CBLN2: variants seen among roughly 807,000 people sequenced by gnomAD.
The protein encoded by CBLN2 is cerebellin 2 precursor, also known as cerebellin-2.
Under a neutral mutation model 15.0 loss-of-function variants are expected in CBLN2, and 7 were observed. That is an observed-to-expected ratio of 0.47 (90% CI 0.27 to 0.88). The LOEUF is 0.88. Ranked by LOEUF, CBLN2 falls within the 40% of genes least tolerant of loss-of-function variation. The probability of loss-of-function intolerance (pLI) is 0.14; values close to 1 mark genes in which losing one functional copy is unlikely to be tolerated. For synonymous variants in CBLN2, 149 were observed against 135.2 expected (o/e 1.10, Z -0.71); for missense variants, 242 against 304.5 (o/e 0.79, Z 1.53).
chr18:72,594,912 C>T (rs1026466465), intron 1 of CBLN2, among the ~76,000 whole-genome samples: 2 of 151,224 alleles, frequency 1.3e-5, no homozygotes, highest in Non-Finnish European at 3.0e-5. Context: ...TTTGGGACTT[C>T]TTTCTTCACT....
intron 1 of CBLN2, among the ~76,000 whole-genome samples, chr18:72,615,185 T>C (rs1303674553): frequency 1.5e-5 from 2 of 133,374 alleles, no homozygotes; most frequent in East Asian, 4.0e-4. Flanking sequence ...ATTTATATAT[T>C]ATATATAAAT....
chr18:72,594,561 G>T (rs986194110), intron 1 of CBLN2, among the ~76,000 whole-genome samples: 3 of 151,098 alleles, frequency 2.0e-5, no homozygotes, highest in African/African-American at 7.3e-5. Flanking sequence ...GAGTAGGATT[G>T]GTATTATTTA....
chr18:72,567,914 A>C (rs1169786027), intron 1 of CBLN2, among the ~76,000 whole-genome samples: 1 of 152,218 alleles, frequency 6.6e-6, no homozygotes, highest in Non-Finnish European at 1.5e-5. Flanking sequence ...ATCACACAAG[A>C]AGCAATAATT....
At position 72,584,293 on chromosome 18, in the gene CBLN2, GA is replaced by G. The variant is rs1040235087; in HGVS notation, c.16-45522del. On this transcript the variant is annotated intron_variant, in intron 1 of 2. Coordinates refer to the CBLN2 transcript ENST00000581073. The stretch of plus-strand genomic sequence containing the variant: ...CACACCACCCTCTTGGCTCTCTTCA[GA>G]AAAAAAAATTACCAATCCTTTTTTT... Among the ~76,000 whole-genome samples, 4 of 146,970 alleles carry G rather than the reference GA, an allele frequency of 2.7e-5. No homozygotes were observed. The South Asian group carries it at 6.4e-4, about 23-fold the overall frequency.
chr18:72,577,183 A>G (rs117305550), intron 1 of CBLN2, among the ~76,000 whole-genome samples: 7,440 of 151,156 alleles, frequency 0.049, 238 homozygotes, highest in South Asian at 0.087. Flanking sequence ...AAACATAAAT[A>G]TATATGAATA....
In CBLN2 at chr18:72,543,119, TTC is replaced by T. The variant is rs1417094948; in HGVS notation, c.-167+365_-167+366del. ...AGCTCTGGTTTCCAGACCACGGGGA[TTC>T]TCTCTTTCTCAGCGGGGCGGCAGCC... On this transcript the variant is annotated intron_variant, in intron 2 of 4. Coordinates refer to ENST00000269503, the MANE Select transcript of CBLN2 (RefSeq NM_182511.4). The surrounding 1 kb of genome is among the most constrained non-coding windows in gnomAD (Gnocchi z 6.8). 2.1e-5 allele frequency: 4 copies of T among 190,116 alleles called. No homozygotes were observed. Among genetic ancestry groups the T allele is most frequent in the Non-Finnish European group, 4.3e-5 (4 of 92,942 alleles). The allele number at this position is 190,116 out of a possible 1,614,324, so 11.8% of individuals were successfully genotyped here.
intron 1 of CBLN2, among the ~76,000 whole-genome samples, chr18:72,620,058 C>T (rs2069689865): frequency 6.6e-6 from 1 of 152,234 alleles, no homozygotes; most frequent in African/African-American, 2.4e-5. Flanking sequence ...CAGGAACAAA[C>T]TCCATGCAGG....
chr18:72,608,149 C>G (rs1302683351), intron 1 of CBLN2, among the ~76,000 whole-genome samples: 1 of 152,156 alleles, frequency 6.6e-6, no homozygotes, highest in Non-Finnish European at 1.5e-5. Context: ...CACTACTTTT[C>G]ATACGACAGC....
At position 72,601,742 on chromosome 18, in the gene CBLN2, C is replaced by A. The variant is rs562764229; in HGVS notation, c.15+36583G>T. On this transcript the variant is annotated intron_variant, in intron 1 of 2. Transcript: ENST00000581073. Reference sequence around the variant, plus strand: ...ACCCCATTTTGCAACAATCCCAGGCCTCTCCTGCCTGGGCCTATAACTGCC... The same window carrying A: ...ACCCCATTTTGCAACAATCCCAGGCATCTCCTGCCTGGGCCTATAACTGCC... Among the ~76,000 whole-genome samples the A allele has an allele frequency of 2.1e-4, 32 of 152,254 alleles. No individual in the cohort carries two copies. The South Asian group carries it at 6.4e-3, about 31-fold the overall frequency.
chr18:72,631,800 T>C (rs1395669713), intron 1 of CBLN2, among the ~76,000 whole-genome samples: 1 of 152,094 alleles, frequency 6.6e-6, no homozygotes, highest in Non-Finnish European at 1.5e-5. Flanking sequence ...GAAATACAGT[T>C]CAAACACTCA....
intron 1 of CBLN2, among the ~76,000 whole-genome samples, chr18:72,587,160 T>C (rs1301536521): frequency 6.6e-6 from 1 of 152,072 alleles, no homozygotes; most frequent in African/African-American, 2.4e-5. Context: ...TTAAGGGTTA[T>C]AGAGGAGTTT....
intron 1 of CBLN2, among the ~76,000 whole-genome samples, chr18:72,571,847 C>T (rs542141343): frequency 4.4e-4 from 67 of 152,130 alleles, no homozygotes; most frequent in Non-Finnish European, 5.0e-4. Flanking sequence ...TCTCGAGAGA[C>T]GATTTTTTTT....
intron 3 of CBLN2, 122 bp from the exon 4 acceptor site, chr18:72,538,894 A>G: frequency 1.5e-6 from 2 of 1,295,428 alleles, no homozygotes. Flanking sequence ...CAAATTCAGC[A>G]TCCTCAGCAT....
intron 1 of CBLN2, among the ~76,000 whole-genome samples, chr18:72,560,798 G>A (rs2069255238): frequency 6.6e-6 from 1 of 152,106 alleles, no homozygotes; most frequent in African/African-American, 2.4e-5. Flanking sequence ...CACGAGGTCA[G>A]GAGATCGAGA....
chr18:72,561,185 G>A (rs1454135557), intron 1 of CBLN2, among the ~76,000 whole-genome samples: 150 of 132,716 alleles, frequency 1.1e-3, no homozygotes, highest in African/African-American at 3.8e-3. Context: ...TTTTCATTAA[G>A]TTAAAAAAAC....
At position 72,625,698 on chromosome 18, in the gene CBLN2, CTATATATA is replaced by C. The variant is rs1169851043; in HGVS notation, c.15+12619_15+12626del. On this transcript the variant is annotated intron_variant, in intron 1 of 2. Coordinates refer to the CBLN2 transcript ENST00000581073. ...TATAGTATTATTATATATAGTATTACTATATATATATATATATATATATATATACACAC... is the reference window on the plus strand; with the variant it reads ...TATAGTATTATTATATATAGTATTACTATATATATATATATATATACACAC... Among the ~76,000 whole-genome samples, 28 of 46,596 alleles carry C rather than the reference CTATATATA, an allele frequency of 6.0e-4. 2 individuals carry two copies. The Admixed American group carries it at 7.7e-3, about 13-fold the overall frequency. The allele number at this position is 46,596 out of a possible 152,430, so 30.6% of individuals were successfully genotyped here. A position where few individuals can be genotyped will look rare whatever the true frequency, so the allele number is the denominator to read the frequency against.
intron 1 of CBLN2, among the ~76,000 whole-genome samples, chr18:72,614,430 T>G (rs564262251): frequency 6.6e-6 from 1 of 152,304 alleles, no homozygotes; most frequent in South Asian, 2.1e-4. Flanking sequence ...TTTCTTCTTT[T>G]ATTTAATTCA....
upstream of CBLN2, among the ~76,000 whole-genome samples, chr18:72,547,110 T>TCACACACACACA (rs36204454): frequency 1.3e-5 from 2 of 148,586 alleles, no homozygotes; most frequent in African/African-American, 2.5e-5. Context: ...AAAGAAAGTG[T>TCACACACACACA]CACACACACA....
rs758434340 is a variant in CBLN2, at chr18:72,541,930, G to A, written c.231C>T (p.Ala77=). The change falls in exon 3 of 5, where the codon GCC becomes GCT. Residue 77 remains alanine, a synonymous_variant. Coordinates refer to ENST00000269503, the MANE Select transcript of CBLN2 (RefSeq NM_182511.4). ...VCDSSPSADG[A]VTSSLGISVR... ...CGGAGATGCCTAGGGAGGAGGTGACGGCGCCGTCCGCCGACGGGCTGGAGT... is the reference window on the plus strand; with the variant it reads ...CGGAGATGCCTAGGGAGGAGGTGACAGCGCCGTCCGCCGACGGGCTGGAGT... 2.5e-6 allele frequency: 4 copies of A among 1,608,008 alleles called. No individual in the cohort carries two copies. In the South Asian group the frequency reaches 3.3e-5, roughly 13 times the overall value.
Sources: allele counts gnomAD v4.1 joint callset (sites outside exome capture counted in the v4.1 genomes callset), GRCh38; gene constraint gnomAD v4.1.1; non-coding constraint Gnocchi (gnomAD v3.1); transcripts MANE v1.5; gene names NCBI Gene and HGNC (gene_info 2026-07-23, HGNC 2026-07-21).